Variants in CABP5 observed in about 807,000 individuals in gnomAD.
CABP5 encodes calcium-binding protein 5.
CABP5 carries 17 observed loss-of-function variants against 21.9 expected under a neutral mutation model. The observed-to-expected ratio is 0.78, with a 90% confidence interval of 0.53 to 1.17. The LOEUF is 1.17. Ranked by LOEUF, CABP5 falls within the 50% of genes most tolerant of loss-of-function variation. The pLI is 0.00. For missense variants in CABP5, 229 were observed against 228.9 expected, an observed-to-expected ratio of 1.00 and a Z score of 0.00; for synonymous variants, 85 against 79.4, an observed-to-expected ratio of 1.07 and a Z score of -0.37.
Position 48,034,288 on chromosome 19 carries a change from C to A in CABP5, c.423G>T (p.Arg141=). The A allele has an allele frequency of 6.2e-7, 1 of 1,609,024 alleles. No homozygotes were observed. The highest frequency in any genetic ancestry group is 8.5e-7 in the Non-Finnish European group (1 of 1,177,950). Residue 141 remains arginine (R), a synonymous_variant, in exon 5 of 6, where the codon CGG becomes CGT. Transcript: ENST00000293255. ...CCTCAGAGATCTCCCGGGGGGTGAG[C>A]CGCTCCCCCAGGAGTCTCTGCATGG... ...QQAMQRLLGE[R]LTPREISEVV...
At chr19:48,038,806 A>G (rs1467623890) in intron 4 of CABP5, among the ~76,000 whole-genome samples, 3 of 151,944 alleles carry the variant, frequency 2.0e-5, no homozygotes, top group Non-Finnish European at 4.4e-5. Context: ...CAGCCTGGGG[A>G]CAACAGTGAA....
At chr19:48,033,948 G>A (rs17586853) in intron 5 of CABP5, among the ~76,000 whole-genome samples, 30,911 of 152,106 alleles carry the variant, frequency 0.2, 4,087 homozygotes, top group Non-Finnish European at 0.28. Flanking sequence ...TGGGCAAGGC[G>A]GAAGGGCGTC....
At chr19:48,038,058 C>T (rs1027561649) in intron 4 of CABP5, among the ~76,000 whole-genome samples, 4 of 152,108 alleles carry the variant, frequency 2.6e-5, no homozygotes, top group South Asian at 2.1e-4. Context: ...GGATTACAGG[C>T]GCCCACCACC....
intron 2 of CABP5, chr19:48,041,196 A>G: frequency 3.6e-6 from 1 of 278,434 alleles, no homozygotes; most frequent in Non-Finnish European, 6.7e-6. Flanking sequence ...AAAAAAGAAA[A>G]AAAAATTCAA....
At chr19:48,037,789 G>C (rs1002762247) in intron 4 of CABP5, among the ~76,000 whole-genome samples, 1 of 152,130 alleles carries the variant, frequency 6.6e-6, no homozygotes, top group Non-Finnish European at 1.5e-5. Flanking sequence ...TGCTTAGCAT[G>C]CTTAATTAGG....
At position 48,035,239 on chromosome 19, in the gene CABP5, T is replaced by C. The variant is rs187570746; in HGVS notation, c.349-877A>G. Among the ~76,000 whole-genome samples, 4 of 152,320 alleles carry C rather than the reference T, an allele frequency of 2.6e-5. No individual in the cohort carries two copies. The East Asian group carries it at 7.7e-4, about 29-fold the overall frequency. ...TTTGTCCTTTTGTGCCTGGCTTATA[T>C]AGCTTAGAATAATGTGCTTCATGTT... On this transcript the variant is annotated intron_variant, in intron 4 of 5. Transcript: ENST00000293255.
intron 2 of CABP5, 89 bp downstream of exon 2, chr19:48,041,484 T>C (rs1449847933): frequency 8.0e-7 from 1 of 1,247,084 alleles, no homozygotes; most frequent in Non-Finnish European, 1.2e-6. Flanking sequence ...TTCCATGTAA[T>C]GGAATTTATA....
At chr19:48,031,465 A>C (rs1054073819) in intron 5 of CABP5, among the ~76,000 whole-genome samples, 1 of 152,102 alleles carries the variant, frequency 6.6e-6, no homozygotes, top group Non-Finnish European at 1.5e-5. Flanking sequence ...GCTTGAACCC[A>C]GGAGGTGGAG....
At chr19:48,037,524 T>C (rs1467547162) in intron 4 of CABP5, among the ~76,000 whole-genome samples, 1 of 151,886 alleles carries the variant, frequency 6.6e-6, no homozygotes, top group Non-Finnish European at 1.5e-5. Context: ...CACCTCAGCC[T>C]CCCAAAGTGC....
chr19:48,035,056 A>C (rs1285296258), intron 4 of CABP5, among the ~76,000 whole-genome samples: 1 of 152,118 alleles, frequency 6.6e-6, no homozygotes, highest in African/African-American at 2.4e-5. Context: ...TGTGCAATAG[A>C]TCTCAAAAGT....
At chr19:48,032,114 G>A (rs888318602) in intron 5 of CABP5, among the ~76,000 whole-genome samples, 3 of 151,956 alleles carry the variant, frequency 2.0e-5, no homozygotes, top group African/African-American at 7.3e-5. Context: ...CCTGACAAAG[G>A]TTGCCTTGAT....
intron 4 of CABP5, 117 bp from the exon 5 acceptor site, chr19:48,034,479 T>C: frequency 1.5e-6 from 1 of 669,516 alleles, no homozygotes; most frequent in Non-Finnish European, 2.2e-6. Flanking sequence ...TTTGGGAATG[T>C]GAGCCACTAG....
At position 48,037,347 on chromosome 19, in the gene CABP5, C is replaced by T. The variant is rs550235115; in HGVS notation, c.348+1861G>A. Among the ~76,000 whole-genome samples the T allele has an allele frequency of 5.8e-3, 749 of 129,080 alleles. 6 individuals carry two copies. The highest frequency in any genetic ancestry group is 0.02 in the African/African-American group (718 of 35,222). The allele number at this position is 129,080 out of a possible 152,430, so 84.7% of individuals were successfully genotyped here. The stretch of plus-strand genomic sequence containing the variant: ...GCAGTGGTGCGATCTTGGCTCACTG[C>T]AACCTCTGCCTCCCGGGTTCAAGCG... On this transcript the variant is annotated intron_variant, in intron 4 of 5. Transcript: ENST00000293255.
In CABP5 at chr19:48,029,545, C is replaced by T. The variant is rs1967310489; in HGVS notation, c.*1012G>A. 2.0e-5 allele frequency among the ~76,000 whole-genome samples: 3 copies of T among 152,124 alleles called. No individual in the cohort carries two copies. The highest frequency in any genetic ancestry group is 7.2e-5 in the African/African-American group (3 of 41,428). Reference sequence around the variant, plus strand: ...ACGACCCATCTAACAGAGACACAGCCTCTGGGTGGTCCAGGACAGACCAGC... The same window carrying T: ...ACGACCCATCTAACAGAGACACAGCTTCTGGGTGGTCCAGGACAGACCAGC... On this transcript the variant is annotated 3_prime_UTR_variant, in exon 6 of 6. Coordinates refer to ENST00000293255, the MANE Select transcript of CABP5 (RefSeq NM_019855.5).
chr19:48,036,740 C>T (rs994091331), intron 4 of CABP5, among the ~76,000 whole-genome samples: 2 of 152,134 alleles, frequency 1.3e-5, no homozygotes, highest in African/African-American at 2.4e-5. Context: ...GGGCAAAAGA[C>T]GTGAACAGCC....
intron 3 of CABP5, 82 bp downstream of exon 3, chr19:48,040,523 T>C: frequency 6.7e-7 from 1 of 1,485,564 alleles, no homozygotes; most frequent in East Asian, 2.3e-5. Flanking sequence ...CCCCCAACTC[T>C]ACTCTTAACC....
chr19:48,035,627 A>C (rs1460308029), intron 4 of CABP5, among the ~76,000 whole-genome samples: 1 of 152,230 alleles, frequency 6.6e-6, no homozygotes, highest in Non-Finnish European at 1.5e-5. Flanking sequence ...TAAATGACCC[A>C]TGCTGCTTAC....
rs936089748 is a variant in CABP5, at chr19:48,040,834, A to C, written c.95-86T>G. The C allele has an allele frequency of 3.8e-6, 5 of 1,315,156 alleles. No individual in the cohort carries two copies. In the African/African-American group the frequency reaches 5.8e-5, roughly 15 times the overall value. The allele number at this position is 1,315,156 out of a possible 1,614,324, so 81.5% of individuals were successfully genotyped here. ...TCTTGAAGCTATCAATGAGGCTCCA[A>C]CTAGAGACTCCTTAAAGGAGCGTAC... On this transcript the variant is annotated intron_variant, in intron 2 of 5. Transcript: ENST00000293255.
chr19:48,032,631 T>C (rs1359458001), intron 5 of CABP5, among the ~76,000 whole-genome samples: 1 of 129,362 alleles, frequency 7.7e-6, no homozygotes, highest in Non-Finnish European at 1.8e-5. Context: ...CCTGGCCTTT[T>C]TTTCTTTTTT....
Sources: allele counts gnomAD v4.1 joint callset (sites outside exome capture counted in the v4.1 genomes callset), GRCh38; gene constraint gnomAD v4.1.1; transcripts MANE v1.5; gene names NCBI Gene and HGNC (gene_info 2026-07-23, HGNC 2026-07-21).